The following PCDHA3 variants were observed in gnomAD, a reference collection of about 807,000 sequenced individuals.
The protein encoded by PCDHA3 is protocadherin alpha 3, also known as protocadherin alpha-3.
In PCDHA3, 41 loss-of-function variants were observed where a neutral mutation model predicts 62.2. The ratio of observed to expected loss-of-function variants is 0.66; its 90% CI spans 0.51 to 0.86. PCDHA3 has a LOEUF of 0.86. PCDHA3 is among the 40% of genes least tolerant of loss of function. The probability of loss-of-function intolerance (pLI) is 0.00; values close to 1 mark genes in which losing one functional copy is unlikely to be tolerated. For missense variants in PCDHA3, 1,304 were observed against 1,241.2 expected, an observed-to-expected ratio of 1.05 and a Z score of -0.76; for synonymous variants, 640 against 555.4, an observed-to-expected ratio of 1.15 and a Z score of -2.14.
chr5:140,824,286 A>C, intron 1 of PCDHA3: 1 of 1,021,950 alleles, frequency 9.8e-7, no homozygotes, highest in Non-Finnish European at 1.5e-6. Context: ...GCTTTTTATG[A>C]GGCTTTTCTG....
At chr5:140,969,342 G>T (rs1216517284) in intron 1 of PCDHA3, 2 of 1,613,512 alleles carry the variant, frequency 1.2e-6, no homozygotes, top group Non-Finnish European at 1.7e-6. Flanking sequence ...GTGAGACAGT[G>T]GTCAGGGGGT....
intron 1 of PCDHA3, among the ~76,000 whole-genome samples, chr5:140,819,556 G>T (rs1363916364): frequency 2.0e-5 from 3 of 152,102 alleles, no homozygotes; most frequent in African/African-American, 7.2e-5. Context: ...TTTGATTGAA[G>T]AAAATAGCTT....
Position 140,849,822 on chromosome 5 carries a change from G to T in PCDHA3, c.2394+46231G>T, listed in dbSNP as rs2150452005. 3.8e-6 allele frequency: 6 copies of T among 1,598,508 alleles called. 1 individual carries two copies. The African/African-American group carries it at 8.1e-5, about 21-fold the overall frequency. ...ACTGTGGGCCACGGCCAGGGTGTCT[G>T]TGGAGGTGGCCGACGTGAACGACAA... On this transcript the variant is annotated intron_variant, in intron 1 of 3. Coordinates refer to ENST00000522353, the MANE Select transcript of PCDHA3 (RefSeq NM_018906.3).
intron 1 of PCDHA3, chr5:140,821,762 G>A: frequency 6.3e-7 from 1 of 1,588,934 alleles, no homozygotes; most frequent in African/African-American, 1.3e-5. Context: ...GCTCATAATT[G>A]GAACGAGATT....
intron 1 of PCDHA3, chr5:140,863,608 T>A (rs548888922): frequency 5.7e-6 from 2 of 349,702 alleles, no homozygotes; most frequent in Non-Finnish European, 1.1e-5. Flanking sequence ...CCTATTAATG[T>A]CCCTCATAGT....
At chr5:140,975,084 T>C (rs1353727401) in intron 1 of PCDHA3, among the ~76,000 whole-genome samples, 1 of 152,140 alleles carries the variant, frequency 6.6e-6, no homozygotes, top group African/African-American at 2.4e-5. Context: ...GTTGGCAGAA[T>C]CCAGTTGTTT....
intron 1 of PCDHA3, chr5:140,822,398 G>C: frequency 6.2e-7 from 1 of 1,614,062 alleles, no homozygotes; most frequent in Non-Finnish European, 8.5e-7. Context: ...CAAGAACACC[G>C]TTTATTAGTG....
rs574487083 is a variant in PCDHA3 at position 140,915,476 on chromosome 5, T to C, written c.2395-63473T>C. Among the ~76,000 whole-genome samples the C allele has an allele frequency of 2.0e-5, 3 of 152,296 alleles. No homozygotes were observed. The South Asian group carries it at 6.2e-4, about 32-fold the overall frequency. On this transcript the variant is annotated intron_variant, in intron 1 of 3. Transcript: ENST00000522353. ...CCAGAAGGTTTTTATTTGAAGGAGC[T>C]TGGGCCTCAATCCCAATAATACTGT...
At chr5:140,862,490 G>A (rs1554156448) in intron 1 of PCDHA3, 5 of 385,338 alleles carry the variant, frequency 1.3e-5, no homozygotes, top group Non-Finnish European at 2.1e-5. Context: ...GTTGGTAATC[G>A]CTCGGAATGG....
rs148093365 is a variant in PCDHA3 at position 140,827,932 on chromosome 5, A to T, written c.2394+24341A>T. On this transcript the variant is annotated intron_variant, in intron 1 of 3. Coordinates refer to ENST00000522353, the MANE Select transcript of PCDHA3 (RefSeq NM_018906.3). ...TGATGTCGCTGTCTACCATGAAGTT[A>T]TAGCTAGCCAACATTCAAATTTCTT... 3.9e-5 allele frequency: 40 copies of T among 1,026,454 alleles called. No individual in the cohort carries two copies. The African/African-American group carries it at 5.4e-4, about 14-fold the overall frequency. The allele number at this position is 1,026,454 out of a possible 1,614,324, so 63.6% of individuals were successfully genotyped here.
intron 1 of PCDHA3, chr5:140,828,102 C>A: frequency 1.9e-6 from 3 of 1,608,522 alleles, no homozygotes; most frequent in Non-Finnish European, 2.5e-6. Context: ...ATGGTGTTTA[C>A]CCCGGAGGAT....
intron 1 of PCDHA3, among the ~76,000 whole-genome samples, chr5:140,950,449 T>G (rs1377637881): frequency 4.6e-5 from 7 of 152,088 alleles, no homozygotes; most frequent in African/African-American, 1.7e-4. Flanking sequence ...GTTATTCTAC[T>G]GTCTTCTAAT....
intron 1 of PCDHA3, chr5:140,862,620 G>A (rs2047455093): frequency 1.9e-6 from 1 of 528,384 alleles, no homozygotes. Context: ...GTAACAACCC[G>A]CGGGGCTGCC....
chr5:140,857,427 C>G lies in PCDHA3; in HGVS notation c.2394+53836C>G, dbSNP rs781871079. On this transcript the variant is annotated intron_variant, in intron 1 of 3. Coordinates refer to ENST00000522353, the MANE Select transcript of PCDHA3 (RefSeq NM_018906.3). The stretch of plus-strand genomic sequence containing the variant: ...CCTGCGTTCGCGCAGTCCGAGTACA[C>G]GGTGTTCGTGAAGGAGAACAACCCG... 49 of 1,598,334 alleles carry G rather than the reference C, an allele frequency of 3.1e-5. 4 individuals carry two copies. The highest frequency in any genetic ancestry group is 3.9e-5 in the Non-Finnish European group (46 of 1,167,894).
chr5:140,898,456 C>G (rs1333861280), intron 1 of PCDHA3, among the ~76,000 whole-genome samples: 2 of 152,134 alleles, frequency 1.3e-5, no homozygotes, highest in African/African-American at 2.4e-5. Flanking sequence ...AATCCTTTCC[C>G]CATTGCTTGT....
chr5:140,871,499 G>T, intron 1 of PCDHA3: 1 of 1,584,436 alleles, frequency 6.3e-7, no homozygotes, highest in Admixed American at 1.8e-5. Flanking sequence ...GGACAGGTGA[G>T]TTTTCTACAG....
At chr5:140,937,370 TTATG>T (rs2091504322) in intron 1 of PCDHA3, among the ~76,000 whole-genome samples, 1 of 152,120 alleles carries the variant, frequency 6.6e-6, no homozygotes, top group South Asian at 2.1e-4. Flanking sequence ...ATCTTAATGT[TTATG>T]TGTGTGTATG....
At position 140,982,295 on chromosome 5, in the gene PCDHA3, G is replaced by A. The variant is rs1047633434; in HGVS notation, c.2454-180G>A. ...AGTATAGCAGGCAATAAGTAAGTCA[G>A]CAATGCTTCTGCAGTTTATGCAGGG... On this transcript the variant is annotated intron_variant, in intron 2 of 3. Coordinates refer to ENST00000522353, the MANE Select transcript of PCDHA3 (RefSeq NM_018906.3). The A allele has an allele frequency of 3.4e-6, 4 of 1,160,172 alleles. No homozygotes were observed. In the Admixed American group the frequency reaches 8.4e-5, roughly 25 times the overall value. 71.9% of individuals were successfully genotyped at this position (1,160,172 alleles called of 1,614,324 possible).
At chr5:140,968,657 G>C in intron 1 of PCDHA3, 1 of 1,614,142 alleles carries the variant, frequency 6.2e-7, no homozygotes, top group Non-Finnish European at 8.5e-7. Context: ...TTCTGACCTG[G>C]ACCTCTTTAA....
Sources: allele counts gnomAD v4.1 joint callset (sites outside exome capture counted in the v4.1 genomes callset), GRCh38; gene constraint gnomAD v4.1.1; transcripts MANE v1.5; gene names NCBI Gene and HGNC (gene_info 2026-07-23, HGNC 2026-07-21).